Variants in TLR3 observed in about 807,000 individuals in gnomAD.
TLR3 encodes the protein toll like receptor 3.
Under a neutral mutation model 66.4 loss-of-function variants are expected in TLR3, and 43 were observed. That is an observed-to-expected ratio of 0.65 (90% CI 0.51 to 0.83). The LOEUF is 0.83. Ranked by LOEUF, TLR3 falls within the 40% of genes least tolerant of loss-of-function variation. The pLI is 0.00. For missense variants in TLR3, 982 were observed against 1,044.6 expected (o/e 0.94, Z 0.83); for synonymous variants, 397 against 397.2 (o/e 1.00, Z 0.01).
rs1344959698 is a variant in TLR3, at chr4:186,076,816, T to C, written c.197T>C (p.Leu66Ser). The change falls in exon 2 of 5, where the codon TTA (leucine) becomes TCA (serine). Residue 66 changes from leucine (L) to serine (S), a missense_variant. Physicochemically the swap from Leu to Ser is moderately radical, Grantham distance 145. Transcript: ENST00000296795. Reference sequence around the variant, plus strand: ...CTTACCCATAATCAACTCAGAAGATTACCAGCCGCCAACTTCACAAGGTAT... The same window carrying C: ...CTTACCCATAATCAACTCAGAAGATCACCAGCCGCCAACTTCACAAGGTAT... ...LNLTHNQLRR[L>S]PAANFTRYSQ... The C allele has an allele frequency of 6.2e-6, 10 of 1,614,132 alleles. No homozygotes were observed. The highest frequency in any genetic ancestry group is 7.6e-6 in the Non-Finnish European group (9 of 1,180,028).
Position 186,084,629 on chromosome 4 carries a change from A to G in TLR3, c.2487-16A>G. On this transcript the variant is annotated splice_polypyrimidine_tract_variant and intron_variant, in intron 4 of 4. Coordinates refer to ENST00000296795, the MANE Select transcript of TLR3 (RefSeq NM_003265.3). ...AAAAACCGTATATTAATTCTTCAATACATTTTTTTACTTAGATTCAAGGTA... is the reference window on the plus strand; with the variant it reads ...AAAAACCGTATATTAATTCTTCAATGCATTTTTTTACTTAGATTCAAGGTA... 6.5e-7 allele frequency: 1 copy of G among 1,534,952 alleles called. No individual in the cohort carries two copies. Among genetic ancestry groups the G allele is most frequent in the Non-Finnish European group, 9.0e-7 (1 of 1,109,474 alleles).
In TLR3 at chr4:186,076,786, T is replaced by C; in HGVS notation, c.167T>C (p.Leu56Ser). ...GATCTACCCACAAACATAACAGTGT[T>C]GAACCTTACCCATAATCAACTCAGA... ...PDDLPTNITV[L>S]NLTHNQLRRL... The change falls in exon 2 of 5, where the codon TTG becomes TCG. Residue 56 changes from leucine (L) to serine (S), a missense_variant. Leu to Ser is a moderately radical substitution (Grantham distance 145, BLOSUM62 -2). This residue lies in a region of TLR3 where 313 missense variants were observed against 319.0 expected (regional missense o/e 0.98). Transcript: ENST00000296795. The C allele has an allele frequency of 6.2e-7, 1 of 1,614,162 alleles. No individual in the cohort carries two copies. Among genetic ancestry groups the C allele is most frequent in the Non-Finnish European group, 8.5e-7 (1 of 1,180,030 alleles).
intron 3 of TLR3, among the ~76,000 whole-genome samples, chr4:186,081,242 C>G (rs1002292025): frequency 6.7e-6 from 1 of 149,618 alleles, no homozygotes; most frequent in Non-Finnish European, 1.5e-5. Context: ...GCACTCCACC[C>G]TGGGGGACAG....
Position 186,086,473 on chromosome 4 carries a change from C to T in TLR3, c.*1600C>T, listed in dbSNP as rs574354926. The T allele has an allele frequency of 3.9e-5, 6 of 152,312 alleles. No homozygotes were observed. Among genetic ancestry groups the T allele is most frequent in the East Asian group, 3.9e-4 (2 of 5,184 alleles). 9.4% of individuals were successfully genotyped at this position (152,312 alleles called of 1,614,324 possible). On this transcript the variant is annotated 3_prime_UTR_variant, in exon 5 of 5. Transcript: ENST00000296795. ...CCTCTGGTTCTGAAGAGTCTATAGT[C>T]GGCCAACACTGTGAATGTGTGGAGG...
At chr4:186,077,360 A>G (rs557665173) in intron 2 of TLR3, among the ~76,000 whole-genome samples, 1 of 152,362 alleles carries the variant, frequency 6.6e-6, no homozygotes, top group Non-Finnish European at 1.5e-5. Flanking sequence ...CATGGAAACT[A>G]AACTTTCAAT....
chr4:186,071,862 A>G (rs776408239), intron 1 of TLR3, among the ~76,000 whole-genome samples: 2 of 152,126 alleles, frequency 1.3e-5, no homozygotes, highest in Admixed American at 1.3e-4. Flanking sequence ...TGACTTTTAG[A>G]TCTTGTGGAA....
chr4:186,084,981 G>T lies in TLR3; in HGVS notation c.*108G>T. 3 of 871,744 alleles carry T rather than the reference G, an allele frequency of 3.4e-6. No homozygotes were observed. Among genetic ancestry groups the T allele is most frequent in the Admixed American group, 2.3e-5 (1 of 43,958 alleles). 54.0% of individuals were successfully genotyped at this position (871,744 alleles called of 1,614,324 possible). A position where few individuals can be genotyped will look rare whatever the true frequency, so the allele number is the denominator to read the frequency against. On this transcript the variant is annotated 3_prime_UTR_variant, in exon 5 of 5. Transcript: ENST00000296795. ...TGTTATAATTTGTTTATTCATATTT[G>T]TAAATGATTATATTCTATCACAATT...
chr4:186,079,064 G>T, intron 3 of TLR3, 33 bp downstream of exon 3: 1 of 1,567,990 alleles, frequency 6.4e-7, no homozygotes, highest in Non-Finnish European at 8.7e-7. Context: ...TTTGCATTCT[G>T]CCTTTAAGGT....
intron 1 of TLR3, among the ~76,000 whole-genome samples, chr4:186,069,602 C>A (rs2099301090): frequency 6.6e-6 from 1 of 152,092 alleles, no homozygotes; most frequent in African/African-American, 2.4e-5. Flanking sequence ...ACATCTTTGC[C>A]TTAAAGAAAC....
intron 3 of TLR3, among the ~76,000 whole-genome samples, chr4:186,080,884 G>C (rs1298593236): frequency 6.6e-6 from 1 of 152,270 alleles, no homozygotes; most frequent in East Asian, 1.9e-4. Context: ...GAGCCACCGC[G>C]CCCAGCCTGG....
At position 186,082,303 on chromosome 4, in the gene TLR3, T is replaced by C. The variant is rs563721240; in HGVS notation, c.634-17T>C. 4.4e-6 allele frequency: 7 copies of C among 1,602,752 alleles called. No individual in the cohort carries two copies. The South Asian group carries it at 6.6e-5, about 15-fold the overall frequency. On this transcript the variant is annotated splice_polypyrimidine_tract_variant and intron_variant, in intron 3 of 4. Transcript: ENST00000296795. ...TGTTCTTTTGATTGTTAACCTCTTT[T>C]TTTTTCCTACCTTTAGTTTTCTCCA... is the stretch of plus-strand genomic sequence containing the variant.
chr4:186,083,667 A>C lies in TLR3; in HGVS notation c.1981A>C (p.Ile661Leu). Residue 661 changes from isoleucine (I) to leucine (L), a missense_variant, in exon 4 of 5, where the codon ATT becomes CTT. Physicochemically the swap from Ile to Leu is conservative, Grantham distance 5 (BLOSUM62 2). Around this residue, in one of 3 missense-constraint regions of TLR3, gnomAD observed 666 missense variants for 709.0 expected, o/e 0.94. Transcript: ENST00000296795. This position sits in a 1 kb window ranked among gnomAD's most constrained non-coding sequence, Gnocchi z 4.0. The part of the protein sequence containing the change: ...CESIAWFVNW[I>L]NETHTNIPEL... ...AAGTATTGCCTGGTTTGTTAATTGG[A>C]TTAACGAGACCCATACCAACATCCC... 6.3e-7 allele frequency: 1 copy of C among 1,597,316 alleles called. No homozygotes were observed. Among genetic ancestry groups the C allele is most frequent in the South Asian group, 1.1e-5 (1 of 87,686 alleles).
chr4:186,083,260 T>A lies in TLR3; in HGVS notation c.1574T>A (p.Met525Lys). ...NNNIANINDDMLEGLEKLEIL... is the reference protein window; with the variant it reads ...NNNIANINDDKLEGLEKLEIL... ...AACATAGCCAACATAAATGATGACA[T>A]GTTGGAGGGTCTTGAGAAACTAGAA... Residue 525 changes from methionine (M) to lysine (K), a missense_variant, in exon 4 of 5, where the codon ATG (methionine) becomes AAG (lysine). Transcript: ENST00000296795. This position sits in a 1 kb window ranked among gnomAD's most constrained non-coding sequence, Gnocchi z 4.0. 1 of 1,614,172 alleles carries A rather than the reference T, an allele frequency of 6.2e-7. No homozygotes were observed. The highest frequency in any genetic ancestry group is 8.5e-7 in the Non-Finnish European group (1 of 1,180,034).
Position 186,076,657 on chromosome 4 carries a change from G to C in TLR3, c.38G>C (p.Gly13Ala), listed in dbSNP as rs371978453. 19 of 1,614,004 alleles carry C rather than the reference G, an allele frequency of 1.2e-5. No individual in the cohort carries two copies. The highest frequency in any genetic ancestry group is 4.5e-5 in the East Asian group (2 of 44,884). ...QTLPCIYFWG[G>A]LLPFGMLCAS... is the part of the protein sequence containing the mutation. ...TTGCCTTGTATCTACTTTTGGGGGG[G>C]CCTTTTGCCCTTTGGGATGCTGTGT... The change falls in exon 2 of 5, where the codon GGC becomes GCC. Residue 13 changes from glycine to alanine, a missense_variant. Gly to Ala is a moderately conservative substitution (Grantham distance 60). Coordinates refer to ENST00000296795, the MANE Select transcript of TLR3 (RefSeq NM_003265.3).
rs759176345 is a variant in TLR3 at position 186,083,137 on chromosome 4, G to A, written c.1451G>A (p.Arg484Gln). 15 of 1,614,040 alleles carry A rather than the reference G, an allele frequency of 9.3e-6. No individual in the cohort carries two copies. The highest frequency in any genetic ancestry group is 4.4e-5 in the South Asian group (4 of 91,074). The change falls in exon 4 of 5, where the codon CGA (arginine) becomes CAA (glutamine). Residue 484 changes from arginine to glutamine, a missense_variant. Physicochemically the swap from Arg to Gln is conservative, Grantham distance 43 (BLOSUM62 1). Coordinates refer to ENST00000296795, the MANE Select transcript of TLR3 (RefSeq NM_003265.3). This position sits in a 1 kb window ranked among gnomAD's most constrained non-coding sequence, Gnocchi z 4.0. The part of the protein sequence containing the change: ...NSFALVPSLQ[R>Q]LMLRRVALKN... Reference sequence around the variant, plus strand: ...TTTGCCTTGGTCCCAAGCCTTCAACGACTGATGCTCCGAAGGGTGGCCCTT... The same window carrying A: ...TTTGCCTTGGTCCCAAGCCTTCAACAACTGATGCTCCGAAGGGTGGCCCTT...
rs1330185286 is a variant in TLR3 at position 186,082,271 on chromosome 4, G to C, written c.634-49G>C. The C allele has an allele frequency of 3.1e-6, 3 of 960,478 alleles. No individual in the cohort carries two copies. The Admixed American group carries it at 5.7e-5, about 18-fold the overall frequency. 59.5% of individuals were successfully genotyped at this position (960,478 alleles called of 1,614,324 possible). ...AAAAAAGGCTTTCAACAGCATTACA[G>C]AGTCTGTGTTCTTTTGATTGTTAAC... On this transcript the variant is annotated intron_variant, in intron 3 of 4. Transcript: ENST00000296795.
chr4:186,075,267 G>A (rs542197536), intron 1 of TLR3, among the ~76,000 whole-genome samples: 178 of 152,232 alleles, frequency 1.2e-3, no homozygotes, highest in African/African-American at 4.2e-3. Context: ...AGATTAGTAG[G>A]TGATAAGAAT....
Position 186,083,381 on chromosome 4 carries a change from C to G in TLR3, c.1695C>G (p.His565Gln). The part of the protein sequence containing the change: ...IYFLKGLSHL[H>Q]ILNLESNGFD... ...TCCTAAAGGGTCTGTCTCACCTCCA[C>G]ATCCTTAACTTGGAGTCCAACGGCT... The change falls in exon 4 of 5, where the codon CAC (histidine) becomes CAG (glutamine). Residue 565 changes from histidine to glutamine, a missense_variant. Around this residue, in one of 3 missense-constraint regions of TLR3, gnomAD observed 666 missense variants for 709.0 expected, o/e 0.94. Coordinates refer to ENST00000296795, the MANE Select transcript of TLR3 (RefSeq NM_003265.3). The surrounding 1 kb of genome is among the most constrained non-coding windows in gnomAD (Gnocchi z 4.0). 1 of 1,614,228 alleles carries G rather than the reference C, an allele frequency of 6.2e-7. No homozygotes were observed. The highest frequency in any genetic ancestry group is 8.5e-7 in the Non-Finnish European group (1 of 1,180,044).
At position 186,085,447 on chromosome 4, in the gene TLR3, T is replaced by A. The variant is rs2099304205; in HGVS notation, c.*574T>A. 1 of 152,830 alleles carries A rather than the reference T, an allele frequency of 6.5e-6. No individual in the cohort carries two copies. 9.5% of individuals were successfully genotyped at this position (152,830 alleles called of 1,614,324 possible). A position where few individuals can be genotyped will look rare whatever the true frequency, so the allele number is the denominator to read the frequency against. On this transcript the variant is annotated 3_prime_UTR_variant, in exon 5 of 5. Coordinates refer to ENST00000296795, the MANE Select transcript of TLR3 (RefSeq NM_003265.3). ...AAGGGCAGAAAACATTTGCAATTCA[T>A]TTTTATTAGTTAATGAGATGATTAT...
Sources: allele counts gnomAD v4.1 joint callset (sites outside exome capture counted in the v4.1 genomes callset), GRCh38; gene constraint gnomAD v4.1.1; regional missense constraint gnomAD v4.1.1; non-coding constraint Gnocchi (gnomAD v3.1); transcripts MANE v1.5; gene names NCBI Gene and HGNC (gene_info 2026-07-23, HGNC 2026-07-21).